Variants in TTC12 observed in about 807,000 individuals in gnomAD.
The protein encoded by TTC12 is tetratricopeptide repeat protein 12.
TTC12 carries 70 observed loss-of-function variants against 90.1 expected under a neutral mutation model. The ratio of observed to expected loss-of-function variants is 0.78; its 90% CI spans 0.64 to 0.95. The LOEUF is 0.95. Ranked by LOEUF, TTC12 falls within the 40% of genes least tolerant of loss-of-function variation. TTC12 has a pLI of 0.00. For missense variants in TTC12, 819 were observed against 846.1 expected (o/e 0.97, Z 0.40); for synonymous variants, 296 against 311.5 (o/e 0.95, Z 0.53).
intron 8 of TTC12, among the ~76,000 whole-genome samples, chr11:113,335,287 C>G (rs1948301185): frequency 6.6e-6 from 1 of 152,098 alleles, no homozygotes; most frequent in Admixed American, 6.6e-5. Context: ...GAGAAAAGAC[C>G]TGAGCAAAAA....
intron 9 of TTC12, 100 bp downstream of exon 9, chr11:113,338,934 C>G: frequency 9.6e-7 from 1 of 1,044,988 alleles, no homozygotes; most frequent in Admixed American, 1.8e-5. Context: ...GGCCACTAGG[C>G]AGCGGCGGAT....
chr11:113,366,159 G>A lies in TTC12; in HGVS notation c.2043-66G>A, dbSNP rs376568177. On this transcript the variant is annotated intron_variant, in intron 21 of 21. Transcript: ENST00000529221. ...CCAGCTTCCATCTGAGAGGGTGTTG[G>A]CTCTGGGCTCCAGAAGCCTGAACCG... The A allele has an allele frequency of 2.9e-4, 461 of 1,570,022 alleles. 8 individuals carry two copies. In the South Asian group the frequency reaches 4.9e-3, roughly 17 times the overall value.
At chr11:113,339,218 A>AT in intron 9 of TTC12, 68 bp from the exon 10 acceptor site, 1 of 1,318,676 alleles carries the variant, frequency 7.6e-7, no homozygotes, top group Non-Finnish European at 1.0e-6. Flanking sequence ...GGAAAAAAAA[A>AT]GGTTGCTTCT....
chr11:113,342,017 C>A, intron 12 of TTC12, 92 bp downstream of exon 12: 1 of 1,108,076 alleles, frequency 9.0e-7, no homozygotes, highest in Non-Finnish European at 1.4e-6. Flanking sequence ...AGGCCAGGCC[C>A]TGGAAAGCTG....
At chr11:113,368,238 T>C (rs1950276741), downstream of TTC12, 1 of 1,513,472 alleles carries the variant, frequency 6.6e-7, no homozygotes, top group Non-Finnish European at 8.8e-7. Flanking sequence ...CTGCTGCACC[T>C]GAAGCTCTGT....
chr11:113,356,090 C>CT (rs1949618414), intron 16 of TTC12, among the ~76,000 whole-genome samples: 1 of 152,178 alleles, frequency 6.6e-6, no homozygotes, highest in Non-Finnish European at 1.5e-5. Context: ...TTGAAGGTCT[C>CT]TAAGAACTTG....
In TTC12 at chr11:113,366,213, T is replaced by C; in HGVS notation, c.2043-12T>C. On this transcript the variant is annotated splice_polypyrimidine_tract_variant and intron_variant, in intron 21 of 21. Coordinates refer to ENST00000529221, the MANE Select transcript of TTC12 (RefSeq NM_017868.4). ...CACTTATGCCCTGGGTTGTTTGTTT[T>C]GATTGTGACAGATTTGCTGCTCAAC... The C allele has an allele frequency of 3.1e-6, 5 of 1,612,400 alleles. No individual in the cohort carries two copies. Among genetic ancestry groups the C allele is most frequent in the Non-Finnish European group, 3.4e-6 (4 of 1,180,008 alleles).
intron 19 of TTC12, among the ~76,000 whole-genome samples, chr11:113,363,415 A>G (rs1480948162): frequency 6.6e-6 from 1 of 152,202 alleles, no homozygotes; most frequent in Non-Finnish European, 1.5e-5. Flanking sequence ...TAGGTTCCTG[A>G]AGTTCCTCAT....
intron 6 of TTC12, among the ~76,000 whole-genome samples, chr11:113,328,832 G>T (rs1276358377): frequency 3.3e-5 from 5 of 152,042 alleles, no homozygotes; most frequent in African/African-American, 9.7e-5. Context: ...TCTACTTTTT[G>T]TCTCTATACC....
chr11:113,350,181 A>G lies in TTC12; in HGVS notation c.1247+16A>G, dbSNP rs781844395. On this transcript the variant is annotated intron_variant, in intron 14 of 21. Transcript: ENST00000529221. ...TGGAAGAAAGGTAATTTTTTTATTTATAGAAATTGACATTTCTTCTTCAGT... is the reference window on the plus strand; with the variant it reads ...TGGAAGAAAGGTAATTTTTTTATTTGTAGAAATTGACATTTCTTCTTCAGT... The G allele has an allele frequency of 2.6e-6, 4 of 1,556,874 alleles. No individual in the cohort carries two copies. The highest frequency in any genetic ancestry group is 2.2e-5 in the South Asian group (2 of 89,402).
chr11:113,370,780 C>T (rs753663679), downstream of TTC12, among the ~76,000 whole-genome samples: 3 of 152,206 alleles, frequency 2.0e-5, no homozygotes, highest in Non-Finnish European at 2.9e-5. Flanking sequence ...CTGTCACCAG[C>T]GGGTTGGAAG....
At chr11:113,333,106 G>A (rs1385628582) in intron 7 of TTC12, among the ~76,000 whole-genome samples, 2 of 151,956 alleles carry the variant, frequency 1.3e-5, no homozygotes, top group South Asian at 2.1e-4. Context: ...TCATGTCTGC[G>A]TGCCACCTTC....
intron 13 of TTC12, among the ~76,000 whole-genome samples, chr11:113,345,607 T>C (rs1410222306): frequency 6.6e-6 from 1 of 152,204 alleles, no homozygotes; most frequent in African/African-American, 2.4e-5. Context: ...CGGCTCCCCT[T>C]CCAGGCCCAG....
chr11:113,364,043 G>C (rs1950080314), intron 20 of TTC12, 116 bp downstream of exon 20: 1 of 670,356 alleles, frequency 1.5e-6, no homozygotes. Flanking sequence ...ACCTCTCCCA[G>C]ACTTCAGCAA....
chr11:113,334,450 A>G (rs1460939387), intron 7 of TTC12, among the ~76,000 whole-genome samples: 1 of 128,684 alleles, frequency 7.8e-6, no homozygotes, highest in Non-Finnish European at 1.9e-5. Context: ...GGGACTTCCC[A>G]GGTCCACTAA....
chr11:113,325,452 T>G, intron 5 of TTC12, 72 bp from the exon 6 acceptor site: 1 of 1,571,136 alleles, frequency 6.4e-7, no homozygotes, highest in South Asian at 1.2e-5. Flanking sequence ...AATTGGAAAA[T>G]CGGGGGAATA....
chr11:113,339,696 CAT>C (rs1555145436), intron 10 of TTC12: 3 of 484,840 alleles, frequency 6.2e-6, no homozygotes, highest in African/African-American at 1.9e-5. Context: ...ATGCAATAAA[CAT>C]ACACAACACA....
At position 113,362,513 on chromosome 11, in the gene TTC12, T is replaced by G. The variant is rs782532686; in HGVS notation, c.1716+11T>G. 3 of 1,561,056 alleles carry G rather than the reference T, an allele frequency of 1.9e-6. No individual in the cohort carries two copies. The highest frequency in any genetic ancestry group is 2.7e-6 in the Non-Finnish European group (3 of 1,131,736). On this transcript the variant is annotated intron_variant, in intron 19 of 21. Transcript: ENST00000529221. ...ATGAAATTCCTGAAGGTAAGATCAC[T>G]TTATTGGTTACAACCCCTGAAATGT...
In TTC12 at chr11:113,366,312, T is replaced by C. The variant is rs769733238; in HGVS notation, c.*12T>C. 1 of 1,613,076 alleles carries C rather than the reference T, an allele frequency of 6.2e-7. No homozygotes were observed. Among genetic ancestry groups the C allele is most frequent in the Non-Finnish European group, 8.5e-7 (1 of 1,180,002 alleles). ...TCAGTGATTCTTGAGAGAGACAGGG[T>C]TTGTGTGCATTTGGGGAACACACAG... On this transcript the variant is annotated 3_prime_UTR_variant, in exon 22 of 22. Transcript: ENST00000529221.
Sources: gnomAD v4.1 joint callset for allele counts (sites outside exome capture counted in the v4.1 genomes callset) on GRCh38, gnomAD v4.1.1 for gene constraint, MANE v1.5 for transcripts, NCBI Gene and HGNC (gene_info 2026-07-23, HGNC 2026-07-21) for gene names.